Variants in USP32 observed in about 807,000 individuals in gnomAD.
The protein encoded by USP32 is ubiquitin specific peptidase 32, also known as ubiquitin carboxyl-terminal hydrolase 32.
USP32 carries 59 observed loss-of-function variants against 204.8 expected under a neutral mutation model. That is an observed-to-expected ratio of 0.29 (90% CI 0.23 to 0.36). USP32 has a LOEUF of 0.36. Ranked by LOEUF, USP32 falls within the 10% of genes least tolerant of loss-of-function variation. The probability of loss-of-function intolerance (pLI) is 1.00; values close to 1 mark genes in which losing one functional copy is unlikely to be tolerated. For synonymous variants in USP32, 517 were observed against 678.4 expected, an observed-to-expected ratio of 0.76 and a Z score of 3.70; for missense variants, 1,160 against 1,946.4, an observed-to-expected ratio of 0.60 and a Z score of 7.60.
chr17:60,212,446 G>C (rs1302202958), intron 18 of USP32, among the ~76,000 whole-genome samples: 1 of 152,144 alleles, frequency 6.6e-6, no homozygotes, highest in Non-Finnish European at 1.5e-5. Context: ...TTAGAACATA[G>C]AAAAGGCACA....
At chr17:60,254,694 G>C (rs1184157411) in intron 10 of USP32, among the ~76,000 whole-genome samples, 1 of 152,026 alleles carries the variant, frequency 6.6e-6, no homozygotes, top group Non-Finnish European at 1.5e-5. Context: ...GTGAGATGCT[G>C]TCTCAAAATT....
intron 12 of USP32, among the ~76,000 whole-genome samples, chr17:60,230,109 C>T (rs2085508397): frequency 1.3e-5 from 2 of 152,126 alleles, no homozygotes. Context: ...TCACTGCGCC[C>T]GACCACAAAT....
chr17:60,417,995 G>T (rs897614906), intron 1 of USP32, among the ~76,000 whole-genome samples: 1 of 135,646 alleles, frequency 7.4e-6, no homozygotes. Context: ...TTTCACTCTT[G>T]TTACCCAGGC....
chr17:60,383,651 T>A (rs1258363395), intron 1 of USP32, among the ~76,000 whole-genome samples: 1 of 152,248 alleles, frequency 6.6e-6, no homozygotes, highest in Non-Finnish European at 1.5e-5. Context: ...GATATGAGAA[T>A]GAGCCAGACA....
At chr17:60,280,851 T>C (rs1005291119) in intron 5 of USP32, among the ~76,000 whole-genome samples, 2 of 152,210 alleles carry the variant, frequency 1.3e-5, no homozygotes, top group African/African-American at 2.4e-5. Context: ...TTATAGGTAA[T>C]ATAAATCATA....
At chr17:60,333,779 AGT>A (rs2088447688) in intron 2 of USP32, among the ~76,000 whole-genome samples, 1 of 152,194 alleles carries the variant, frequency 6.6e-6, no homozygotes, top group Non-Finnish European at 1.5e-5. Flanking sequence ...ATACATTTTC[AGT>A]ACTGTACTGT....
At chr17:60,321,930 G>A (rs2088122220) in intron 2 of USP32, among the ~76,000 whole-genome samples, 1 of 148,088 alleles carries the variant, frequency 6.8e-6, no homozygotes, top group Admixed American at 6.8e-5. Context: ...TTTGACCTTT[G>A]CCACAACTTT....
At chr17:60,281,521 G>A (rs2086967662) in intron 5 of USP32, among the ~76,000 whole-genome samples, 1 of 150,902 alleles carries the variant, frequency 6.6e-6, no homozygotes, top group African/African-American at 2.4e-5. Context: ...CTGGGCAAGA[G>A]TGAGACTCCG....
chr17:60,282,591 A>T (rs1303573736), intron 5 of USP32, among the ~76,000 whole-genome samples: 2 of 152,286 alleles, frequency 1.3e-5, no homozygotes, highest in East Asian at 3.9e-4. Context: ...TGACCTCGTG[A>T]TCCACCCATC....
At chr17:60,193,753 G>T (rs2084444434) in intron 27 of USP32, among the ~76,000 whole-genome samples, 1 of 152,160 alleles carries the variant, frequency 6.6e-6, no homozygotes, top group South Asian at 2.1e-4. Flanking sequence ...ATGAAACCAT[G>T]ATAAAGAGTC....
intron 11 of USP32, among the ~76,000 whole-genome samples, chr17:60,247,156 T>C (rs1274628840): frequency 1.3e-5 from 2 of 152,128 alleles, no homozygotes; most frequent in Non-Finnish European, 2.9e-5. Flanking sequence ...GTTTAGGTCT[T>C]AGATTTAAGT....
At chr17:60,399,731 G>C (rs1347235225) in intron 1 of USP32, among the ~76,000 whole-genome samples, 1 of 152,062 alleles carries the variant, frequency 6.6e-6, no homozygotes, top group African/African-American at 2.4e-5. Flanking sequence ...GAAGCAAAAA[G>C]GGTGATATTT....
chr17:60,231,565 C>T (rs529211971), intron 12 of USP32: 59 of 518,080 alleles, frequency 1.1e-4, no homozygotes, highest in South Asian at 7.8e-4. Flanking sequence ...GCAGTCCTGA[C>T]GACGATCCTC....
chr17:60,226,238 T>C lies in USP32; in HGVS notation c.1240-7A>G, dbSNP rs544252974. The C allele has an allele frequency of 3.9e-6, 6 of 1,524,670 alleles. No individual in the cohort carries two copies. In the African/African-American group the frequency reaches 8.6e-5, roughly 22 times the overall value. 94.4% of individuals were successfully genotyped at this position (1,524,670 alleles called of 1,614,324 possible). A position where few individuals can be genotyped will look rare whatever the true frequency, so the allele number is the denominator to read the frequency against. ...TTACCACAGGGTTGGCATCCTAAAA[T>C]CAGGAAATCAGAGAATAAGAAGCAA... On this transcript the variant is annotated splice_region_variant and splice_polypyrimidine_tract_variant and intron_variant, in intron 12 of 33. Coordinates refer to ENST00000300896, the MANE Select transcript of USP32 (RefSeq NM_032582.4).
At chr17:60,292,717 A>T (rs1210454152) in intron 4 of USP32, among the ~76,000 whole-genome samples, 1 of 151,926 alleles carries the variant, frequency 6.6e-6, no homozygotes, top group African/African-American at 2.4e-5. Context: ...GATTATTCAG[A>T]TACCTCAATT....
chr17:60,215,495 A>G (rs984083205), intron 16 of USP32, among the ~76,000 whole-genome samples: 8 of 152,146 alleles, frequency 5.3e-5, no homozygotes, highest in Non-Finnish European at 8.8e-5. Flanking sequence ...TTAAAAAAAA[A>G]AAAAACTCAG....
At chr17:60,247,871 AG>A (rs1389838388) in intron 11 of USP32, among the ~76,000 whole-genome samples, 3 of 152,096 alleles carry the variant, frequency 2.0e-5, no homozygotes, top group Non-Finnish European at 2.9e-5. Flanking sequence ...TTTTTAGTAG[AG>A]ACGGGGTTTC....
chr17:60,420,014 C>T (rs1473578782), intron 1 of USP32, among the ~76,000 whole-genome samples: 1 of 148,952 alleles, frequency 6.7e-6, no homozygotes, highest in African/African-American at 2.4e-5. Flanking sequence ...CATGCACCAC[C>T]GCGCCTGGCT....
At position 60,201,105 on chromosome 17, in the gene USP32, A is replaced by G. The variant is rs1204843920; in HGVS notation, c.3250-2661T>C. Among the ~76,000 whole-genome samples, 4 of 152,084 alleles carry G rather than the reference A, an allele frequency of 2.6e-5. No homozygotes were observed. The East Asian group carries it at 7.7e-4, about 29-fold the overall frequency. On this transcript the variant is annotated intron_variant, in intron 26 of 33. Transcript: ENST00000300896. ...ACTCCTGGGCTCAAGCAATCGGCCCACCTCAGCCTCCCAAAATGCTGAGAT... is the reference window on the plus strand; with the variant it reads ...ACTCCTGGGCTCAAGCAATCGGCCCGCCTCAGCCTCCCAAAATGCTGAGAT...
Sources: gnomAD v4.1 joint callset for allele counts (sites outside exome capture counted in the v4.1 genomes callset) on GRCh38, gnomAD v4.1.1 for gene constraint, MANE v1.5 for transcripts, NCBI Gene and HGNC (gene_info 2026-07-23, HGNC 2026-07-21) for gene names.